CMTM8: variants seen among roughly 807,000 people sequenced by gnomAD.
The protein encoded by CMTM8 is CKLF like MARVEL transmembrane domain containing 8.
Under a neutral mutation model 18.6 loss-of-function variants are expected in CMTM8, and 12 were observed. The observed-to-expected ratio is 0.65, with a 90% CI of 0.41 to 1.05. The LOEUF (loss-of-function observed/expected upper bound fraction) is 1.05. CMTM8 is among the 50% of genes least tolerant of loss of function. CMTM8 has a pLI of 0.00. For missense variants in CMTM8, 217 were observed against 227.2 expected, an observed-to-expected ratio of 0.95 and a Z score of 0.29; for synonymous variants, 87 against 90.6, an observed-to-expected ratio of 0.96 and a Z score of 0.23.
chr3:32,323,098 T>C (rs1283882449), intron 1 of CMTM8, among the ~76,000 whole-genome samples: 1 of 152,016 alleles, frequency 6.6e-6, no homozygotes, highest in African/African-American at 2.4e-5. Flanking sequence ...CAAGGGGAGA[T>C]GATATTCAGA....
intron 2 of CMTM8, among the ~76,000 whole-genome samples, chr3:32,359,505 G>T (rs974005923): frequency 6.6e-6 from 1 of 152,106 alleles, no homozygotes; most frequent in Non-Finnish European, 1.5e-5. Flanking sequence ...CAGGAGAATC[G>T]CTCGAACCCA....
Position 32,369,901 on chromosome 3 carries a change from C to A in CMTM8, c.456C>A (p.Val152=). ...TTCTCCAGTTCTTTGCCTTCCTGGT[C>A]ACCATCTGCTACGCTGGAAATACAT... The part of the protein sequence containing the change: ...WAASSFFAFL[V]TICYAGNTYF... Residue 152 remains valine (V), a synonymous_variant, in exon 4 of 4, where the codon GTC becomes GTA. Transcript: ENST00000307526. 3 of 1,608,780 alleles carry A rather than the reference C, an allele frequency of 1.9e-6. No homozygotes were observed. In the South Asian group the frequency reaches 3.3e-5, roughly 18 times the overall value.
intron 1 of CMTM8, among the ~76,000 whole-genome samples, chr3:32,245,018 A>G (rs1701991725): frequency 6.6e-6 from 1 of 152,224 alleles, no homozygotes; most frequent in Non-Finnish European, 1.5e-5. Context: ...ATTGATTATA[A>G]TGGGTAGTTT....
At chr3:32,259,599 TA>T in intron 1 of CMTM8, 22 of 1,126,102 alleles carry the variant, frequency 2.0e-5, no homozygotes, top group Non-Finnish European at 2.4e-5. Flanking sequence ...GAAGAGGAAG[TA>T]AAAGGCCTAC....
At chr3:32,303,561 G>A (rs746282657) in intron 1 of CMTM8, among the ~76,000 whole-genome samples, 22 of 152,104 alleles carry the variant, frequency 1.4e-4, no homozygotes, top group Admixed American at 2.6e-4. Context: ...CTTTCTTCCC[G>A]TATGTTTCAT....
intron 1 of CMTM8, among the ~76,000 whole-genome samples, chr3:32,295,480 A>AAAAAAAAAAAG (rs1702861842): frequency 9.0e-6 from 1 of 111,106 alleles, no homozygotes; most frequent in Non-Finnish European, 1.7e-5. Context: ...AAAAAAAAAC[A>AAAAAAAAAAAG]AAACAAAACA....
chr3:32,331,537 A>G (rs1170716517), intron 1 of CMTM8, among the ~76,000 whole-genome samples: 1 of 149,582 alleles, frequency 6.7e-6, no homozygotes, highest in Non-Finnish European at 1.5e-5. Context: ...AAAACAATGA[A>G]CAAATAAACC....
At chr3:32,238,289 C>G (rs1575140741), upstream of CMTM8, 2 of 152,494 alleles carry the variant, frequency 1.3e-5, no homozygotes, top group South Asian at 2.1e-4. Flanking sequence ...CACCCCCTGC[C>G]TCGGTCGTCG....
At chr3:32,302,103 C>T (rs533784334) in intron 1 of CMTM8, among the ~76,000 whole-genome samples, 10 of 141,592 alleles carry the variant, frequency 7.1e-5, no homozygotes, top group African/African-American at 2.6e-4. Flanking sequence ...GGGGCCAAGG[C>T]AGGAGACCAA....
chr3:32,356,683 G>A (rs114977819), intron 1 of CMTM8, among the ~76,000 whole-genome samples: 2,607 of 152,296 alleles, frequency 0.017, 33 homozygotes, highest in Non-Finnish European at 0.024. Context: ...AATGCCCAGA[G>A]GTTCGTCCCT....
intron 1 of CMTM8, among the ~76,000 whole-genome samples, chr3:32,275,733 T>C (rs1702507580): frequency 7.6e-6 from 1 of 131,698 alleles, no homozygotes. Context: ...CACTGCAACC[T>C]CCACCTCCAG....
chr3:32,245,836 G>C (rs2125528083), intron 1 of CMTM8, among the ~76,000 whole-genome samples: 1 of 152,074 alleles, frequency 6.6e-6, no homozygotes, highest in East Asian at 1.9e-4. Context: ...GTCTTGTTCT[G>C]TCCCCCAGGC....
intron 1 of CMTM8, among the ~76,000 whole-genome samples, chr3:32,246,692 T>C (rs756300385): frequency 2.6e-5 from 4 of 152,230 alleles, no homozygotes; most frequent in Non-Finnish European, 4.4e-5. Context: ...TATGTTTATT[T>C]CCTCCTTTTA....
chr3:32,251,667 A>C (rs1285622446), intron 1 of CMTM8, among the ~76,000 whole-genome samples: 1 of 152,056 alleles, frequency 6.6e-6, no homozygotes, highest in Non-Finnish European at 1.5e-5. Context: ...AGAAATTCTA[A>C]TTTGTATGAA....
chr3:32,291,967 T>C (rs1004873077), intron 1 of CMTM8, among the ~76,000 whole-genome samples: 2 of 152,186 alleles, frequency 1.3e-5, no homozygotes, highest in African/African-American at 4.8e-5. Flanking sequence ...GATGTAAATA[T>C]TTTCTTGGAA....
At chr3:32,315,416 T>C (rs373002580) in intron 1 of CMTM8, among the ~76,000 whole-genome samples, 3 of 152,128 alleles carry the variant, frequency 2.0e-5, no homozygotes, top group Non-Finnish European at 2.9e-5. Flanking sequence ...AGGTGTGAGC[T>C]ACCACGCCCA....
intron 1 of CMTM8, among the ~76,000 whole-genome samples, chr3:32,305,733 A>G (rs1695704097): frequency 6.6e-6 from 1 of 152,180 alleles, no homozygotes. Context: ...CAGCATCATC[A>G]TTGTTCCATG....
At chr3:32,286,008 C>T (rs757861679) in intron 1 of CMTM8, among the ~76,000 whole-genome samples, 9 of 152,154 alleles carry the variant, frequency 5.9e-5, no homozygotes, top group Non-Finnish European at 1.3e-4. Context: ...CCTGTCAGGA[C>T]GATGGGAGAA....
At chr3:32,362,025 A>AAGC (rs1696941174) in intron 2 of CMTM8, among the ~76,000 whole-genome samples, 1 of 121,438 alleles carries the variant, frequency 8.2e-6, no homozygotes, top group Non-Finnish European at 1.8e-5. Context: ...TTACCGGTTA[A>AAGC]AGCAGCTACT....
Sources: allele counts gnomAD v4.1 joint callset (sites outside exome capture counted in the v4.1 genomes callset), GRCh38; gene constraint gnomAD v4.1.1; transcripts MANE v1.5; gene names NCBI Gene and HGNC (gene_info 2026-07-23, HGNC 2026-07-21).